The following CHMP6 variants were observed in gnomAD, a reference collection of about 807,000 sequenced individuals.
CHMP6 encodes chromatin-modifying protein 6.
In CHMP6, 10 loss-of-function variants were observed where a neutral mutation model predicts 32.8. The ratio of observed to expected loss-of-function variants is 0.30; its 90% CI spans 0.19 to 0.52. The LOEUF is 0.52. Among genes scored for constraint, CHMP6 ranks in the 20% least tolerant of loss-of-function variants. The pLI is 0.97. For missense variants in CHMP6, 269 were observed against 263.8 expected, an observed-to-expected ratio of 1.02 and a Z score of -0.14; for synonymous variants, 123 against 105.8, an observed-to-expected ratio of 1.16 and a Z score of -1.00.
intron 4 of CHMP6, among the ~76,000 whole-genome samples, chr17:80,996,418 C>T (rs2069638059): frequency 6.6e-6 from 1 of 152,178 alleles, no homozygotes; most frequent in Non-Finnish European, 1.5e-5. Context: ...ACCACGTTCC[C>T]CCACCAACCC....
chr17:80,998,320 G>C, intron 6 of CHMP6, 46 bp from the exon 7 acceptor site: 1 of 1,612,594 alleles, frequency 6.2e-7, no homozygotes, highest in Non-Finnish European at 8.5e-7. Flanking sequence ...GGCAGCCCGG[G>C]GCAGACCTGT....
intron 4 of CHMP6, 54 bp from the exon 5 acceptor site, chr17:80,996,953 G>C: frequency 6.4e-7 from 1 of 1,558,432 alleles, no homozygotes; most frequent in Non-Finnish European, 8.8e-7. Context: ...CCTCTGTCGG[G>C]GGTCTACCAT....
chr17:80,996,549 C>T (rs370902081), intron 4 of CHMP6, among the ~76,000 whole-genome samples: 8 of 152,172 alleles, frequency 5.3e-5, no homozygotes, highest in Admixed American at 1.3e-4. Context: ...TGGTGTGTGC[C>T]GGTCAAGCAC....
Position 80,999,510 on chromosome 17 carries a change from C to A in CHMP6, c.*357C>A. The A allele has an allele frequency of 4.2e-6, 1 of 240,006 alleles. No individual in the cohort carries two copies. Among genetic ancestry groups the A allele is most frequent in the Non-Finnish European group, 8.2e-6 (1 of 122,026 alleles). The allele number at this position is 240,006 out of a possible 1,614,324, so 14.9% of individuals were successfully genotyped here. ...TCGCGCTCGTCTGTGAGGAAGACAC[C>A]TCCAGACCTTGGGGTCCCCGCGCTT... On this transcript the variant is annotated 3_prime_UTR_variant, in exon 8 of 8. Coordinates refer to ENST00000325167, the MANE Select transcript of CHMP6 (RefSeq NM_024591.5).
At chr17:80,998,872 C>T (rs2069662111) in intron 7 of CHMP6, among the ~76,000 whole-genome samples, 1 of 152,222 alleles carries the variant, frequency 6.6e-6, no homozygotes. Context: ...CTGAGTCCCG[C>T]TGGGAGGGGC....
chr17:80,996,731 C>T (rs572307225), intron 4 of CHMP6, among the ~76,000 whole-genome samples: 3 of 152,232 alleles, frequency 2.0e-5, no homozygotes, highest in African/African-American at 7.2e-5. Flanking sequence ...CAAACGGCCC[C>T]TGTGGCCTCA....
rs552211474 is a variant in CHMP6 at position 80,999,315 on chromosome 17, G to A, written c.*162G>A. ...GCGCATTGCAGGAGGACTCCAGAGC[G>A]TCTCCTGGAGACCTTGAGCCTGAAC... On this transcript the variant is annotated 3_prime_UTR_variant, in exon 8 of 8. Transcript: ENST00000325167. The A allele has an allele frequency of 3.0e-4, 209 of 690,236 alleles. 4 individuals are homozygous for A. The South Asian group carries it at 3.3e-3, about 11-fold the overall frequency. The allele number at this position is 690,236 out of a possible 1,614,324, so 42.8% of individuals were successfully genotyped here. A position where few individuals can be genotyped will look rare whatever the true frequency, so the allele number is the denominator to read the frequency against.
At chr17:80,996,084 C>G (rs1187691435) in intron 4 of CHMP6, among the ~76,000 whole-genome samples, 1 of 151,850 alleles carries the variant, frequency 6.6e-6, no homozygotes, top group African/African-American at 2.4e-5. Flanking sequence ...CTTTTGGAGG[C>G]CAAGGCAGGC....
rs1018844587 is a variant in CHMP6, at chr17:80,999,222, G to T, written c.*69G>T. 3.8e-6 allele frequency: 6 copies of T among 1,582,244 alleles called. No homozygotes were observed. The South Asian group carries it at 4.4e-5, about 12-fold the overall frequency. On this transcript the variant is annotated 3_prime_UTR_variant, in exon 8 of 8. Coordinates refer to ENST00000325167, the MANE Select transcript of CHMP6 (RefSeq NM_024591.5). The stretch of plus-strand genomic sequence containing the variant: ...GTGGCCCACAGAGAGTTTGGGTCAC[G>T]GCCAGCCCCTGACCGGGTTCCCTGG...
intron 4 of CHMP6, 27 bp downstream of exon 4, chr17:80,995,785 G>T (rs771926084): frequency 1.9e-6 from 3 of 1,603,804 alleles, no homozygotes; most frequent in African/African-American, 2.7e-5. Flanking sequence ...CCAGGGGCAT[G>T]GAGGTGTGGG....
intron 6 of CHMP6, 78 bp from the exon 7 acceptor site, chr17:80,998,288 C>T (rs1478459426): frequency 7.9e-6 from 12 of 1,513,742 alleles, no homozygotes; most frequent in African/African-American, 1.4e-5. Context: ...GGACAGGATC[C>T]GTGTCCTCTC....
intron 1 of CHMP6, 110 bp from the exon 2 acceptor site, chr17:80,994,471 C>A: frequency 1.1e-6 from 1 of 888,212 alleles, no homozygotes; most frequent in South Asian, 1.8e-5. Context: ...AACCCTGCCC[C>A]ATGAAGGACA....
chr17:80,994,609 G>A lies in CHMP6; in HGVS notation c.92G>A (p.Arg31Lys), dbSNP rs760760031. Residue 31 changes from arginine (R) to lysine (K), a missense_variant, in exon 2 of 8, where the codon AGG becomes AAG. Coordinates refer to ENST00000325167, the MANE Select transcript of CHMP6 (RefSeq NM_024591.5). ...LQLKQQRDKL[R>K]QYQKRIAQQL... is the part of the protein sequence containing the mutation. ...CTGAAGCAGCAGCGGGACAAGCTGA[G>A]GCAGTACCAGAAGAGGATCGCCCAG... 86 of 1,584,398 alleles carry A rather than the reference G, an allele frequency of 5.4e-5. No individual in the cohort carries two copies. Among genetic ancestry groups the A allele is most frequent in the Non-Finnish European group, 7.1e-5 (83 of 1,167,510 alleles).
intron 4 of CHMP6, among the ~76,000 whole-genome samples, chr17:80,996,671 G>A (rs1327719668): frequency 6.6e-6 from 1 of 152,222 alleles, no homozygotes; most frequent in African/African-American, 2.4e-5. Flanking sequence ...AGGGTGAGAG[G>A]GGGCATCGGG....
chr17:80,998,984 C>G, intron 7 of CHMP6, 114 bp from the exon 8 acceptor site: 1 of 1,225,566 alleles, frequency 8.2e-7, no homozygotes, highest in South Asian at 1.3e-5. Context: ...CGTGCCCTTC[C>G]CTAGTGCGAA....
At chr17:80,996,049 G>A (rs547499536) in intron 4 of CHMP6, among the ~76,000 whole-genome samples, 2 of 152,058 alleles carry the variant, frequency 1.3e-5, no homozygotes, top group East Asian at 1.9e-4. Flanking sequence ...GAGGTGGCGG[G>A]TGTGGTGGCT....
rs1233245239 is a variant in CHMP6 at position 80,995,028 on chromosome 17, G to A, written c.183G>A (p.Lys61=). The A allele has an allele frequency of 1.3e-6, 2 of 1,595,536 alleles. No homozygotes were observed. The highest frequency in any genetic ancestry group is 1.3e-5 in the African/African-American group (1 of 74,806). Residue 61 remains lysine (K), a synonymous_variant, in exon 3 of 8, where the codon AAG becomes AAA. Coordinates refer to ENST00000325167, the MANE Select transcript of CHMP6 (RefSeq NM_024591.5). ...LLRDGRKERA[K]LLLKKKRYQE... ...GGGCTTCCCTCTGCAGACGGGCCAA[G>A]CTGCTGCTCAAGAAGAAGCGATACC...
chr17:80,996,388 G>A (rs1568028415), intron 4 of CHMP6, among the ~76,000 whole-genome samples: 1 of 151,798 alleles, frequency 6.6e-6, no homozygotes, highest in Non-Finnish European at 1.5e-5. Context: ...GGGCATGGAT[G>A]TGAAGCCCAG....
rs552485187 is a variant in CHMP6, at chr17:80,997,163, G to C, written c.414+91G>C. 8,658 of 1,599,134 alleles carry C rather than the reference G, an allele frequency of 5.4e-3. 30 individuals carry two copies. The highest frequency in any genetic ancestry group is 6.8e-3 in the Non-Finnish European group (7,958 of 1,169,668). On this transcript the variant is annotated intron_variant, in intron 5 of 7. Transcript: ENST00000325167. ...AACTGTCCCACATCCTAGAGCGGCC[G>C]CCTTCTCTCAAGGGGACGAGACCCA...
Sources: gnomAD v4.1 joint callset for allele counts (sites outside exome capture counted in the v4.1 genomes callset) on GRCh38, gnomAD v4.1.1 for gene constraint, MANE v1.5 for transcripts, NCBI Gene and HGNC (gene_info 2026-07-23, HGNC 2026-07-21) for gene names.